The following ZNF385D variants were observed in gnomAD, a reference collection of about 807,000 sequenced individuals.
ZNF385D encodes zinc finger protein 385D.
ZNF385D carries 15 observed loss-of-function variants against 35.8 expected under a neutral mutation model. The ratio of observed to expected loss-of-function variants is 0.42; its 90% CI spans 0.28 to 0.64. The LOEUF (loss-of-function observed/expected upper bound fraction) is 0.64, where lower values mean the gene tolerates loss of function less well. Ranked by LOEUF, ZNF385D falls within the 30% of genes least tolerant of loss-of-function variation. The probability of loss-of-function intolerance (pLI) is 0.23; values close to 1 mark genes in which losing one functional copy is unlikely to be tolerated. For missense variants in ZNF385D, 474 were observed against 494.6 expected (o/e 0.96, Z 0.39); for synonymous variants, 212 against 186.8 (o/e 1.13, Z -1.10).
At chr3:22,215,367 T>C (rs1220951025) in intron 2 of ZNF385D, among the ~76,000 whole-genome samples, 4 of 151,958 alleles carry the variant, frequency 2.6e-5, no homozygotes, top group Non-Finnish European at 4.4e-5. Context: ...AGGAGAAATA[T>C]CGCTGAATTC....
chr3:21,528,950 CAT>C (rs548529618), intron 3 of ZNF385D, among the ~76,000 whole-genome samples: 33 of 152,186 alleles, frequency 2.2e-4, no homozygotes, highest in Non-Finnish European at 3.8e-4. Flanking sequence ...AAGAATATAA[CAT>C]ATATTTTTGG....
intron 3 of ZNF385D, among the ~76,000 whole-genome samples, chr3:21,938,017 C>T (rs1042791493): frequency 1.1e-4 from 17 of 152,228 alleles, no homozygotes; most frequent in South Asian, 4.1e-4. Flanking sequence ...TAACACAGTG[C>T]GAAATCTCTA....
At chr3:22,095,085 T>A (rs779173) in intron 3 of ZNF385D, among the ~76,000 whole-genome samples, 1 of 127,488 alleles carries the variant, frequency 7.8e-6, no homozygotes, top group East Asian at 2.0e-4. Flanking sequence ...TTTTTCATTC[T>A]TTCTTTTTTT....
intron 4 of ZNF385D, among the ~76,000 whole-genome samples, chr3:21,485,118 C>T (rs1002155592): frequency 3.3e-5 from 5 of 152,068 alleles, no homozygotes; most frequent in African/African-American, 1.2e-4. Context: ...GAGTTTACTC[C>T]ATTTTCTTTT....
At chr3:21,723,538 G>T (rs188568996) in intron 1 of ZNF385D, among the ~76,000 whole-genome samples, 6 of 152,070 alleles carry the variant, frequency 3.9e-5, no homozygotes, top group African/African-American at 1.2e-4. Context: ...TTTATCAAGC[G>T]AAAGAAAGGA....
intron 3 of ZNF385D, among the ~76,000 whole-genome samples, chr3:22,012,410 A>G (rs1696634691): frequency 6.6e-6 from 1 of 152,124 alleles, no homozygotes; most frequent in African/African-American, 2.4e-5. Flanking sequence ...AAATTACATT[A>G]TTTACATTTG....
chr3:22,169,088 G>T (rs2125758027), intron 2 of ZNF385D: 1 of 833,372 alleles, frequency 1.2e-6, no homozygotes, highest in Non-Finnish European at 1.4e-6. Flanking sequence ...TTAGATTACT[G>T]CATATTTATT....
chr3:22,281,804 T>A (rs1191236131), intron 2 of ZNF385D, among the ~76,000 whole-genome samples: 2 of 152,152 alleles, frequency 1.3e-5, no homozygotes, highest in Non-Finnish European at 1.5e-5. Flanking sequence ...TGGAATAGTG[T>A]CAATAGGATT....
intron 2 of ZNF385D, among the ~76,000 whole-genome samples, chr3:22,179,352 G>A (rs1223808667): frequency 6.6e-6 from 1 of 152,206 alleles, no homozygotes; most frequent in East Asian, 1.9e-4. Context: ...AAGAAATTGT[G>A]AATGGGAGTT....
At chr3:22,042,715 T>C (rs1050060596) in intron 3 of ZNF385D, among the ~76,000 whole-genome samples, 11 of 152,092 alleles carry the variant, frequency 7.2e-5, no homozygotes, top group Admixed American at 5.2e-4. Flanking sequence ...AGAAAAGGTA[T>C]TGGCCAGAAC....
chr3:21,434,834 C>A (rs151180857), intron 5 of ZNF385D, among the ~76,000 whole-genome samples: 14 of 152,062 alleles, frequency 9.2e-5, no homozygotes, highest in East Asian at 7.8e-4. Context: ...AAAAGGCAAC[C>A]CAAGGAGCAG....
chr3:21,688,391 T>G (rs2125335211), intron 1 of ZNF385D, among the ~76,000 whole-genome samples: 1 of 152,222 alleles, frequency 6.6e-6, no homozygotes, highest in South Asian at 2.1e-4. Flanking sequence ...ATATAGCAAT[T>G]TTATAATTAT....
chr3:21,509,451 G>C (rs888126373), intron 4 of ZNF385D, among the ~76,000 whole-genome samples: 38 of 152,152 alleles, frequency 2.5e-4, no homozygotes, highest in African/African-American at 7.2e-4. Flanking sequence ...AATAAAGCAG[G>C]TAGTCTTCGA....
At chr3:21,778,911 C>T (rs2071392538) in intron 3 of ZNF385D, among the ~76,000 whole-genome samples, 2 of 151,882 alleles carry the variant, frequency 1.3e-5, no homozygotes, top group African/African-American at 4.8e-5. Context: ...AGGACCAGGT[C>T]CTATTAATAT....
At chr3:21,760,309 C>A (rs1422731268) in intron 3 of ZNF385D, among the ~76,000 whole-genome samples, 1 of 152,178 alleles carries the variant, frequency 6.6e-6, no homozygotes, top group Non-Finnish European at 1.5e-5. Context: ...TACGTGAATA[C>A]AACTGGAGGA....
At chr3:21,849,086 T>A (rs1696204448) in intron 3 of ZNF385D, among the ~76,000 whole-genome samples, 2 of 152,084 alleles carry the variant, frequency 1.3e-5, no homozygotes, top group South Asian at 4.1e-4. Flanking sequence ...AAACATCATA[T>A]CTGTTGTTGC....
intron 2 of ZNF385D, among the ~76,000 whole-genome samples, chr3:22,236,695 G>A (rs1699202453): frequency 6.6e-6 from 1 of 152,044 alleles, no homozygotes; most frequent in Non-Finnish European, 1.5e-5. Context: ...ACCCCATAAT[G>A]ATTAGCAGTC....
rs1186741808 is a variant in ZNF385D, at chr3:22,051,116, T to C, written c.325+117701A>G. Among the ~76,000 whole-genome samples the C allele has an allele frequency of 8.0e-4, 19 of 23,804 alleles. 2 individuals are homozygous for C. Among genetic ancestry groups the C allele is most frequent in the Non-Finnish European group, 1.4e-3 (17 of 12,466 alleles). The allele number at this position is 23,804 out of a possible 152,430, so 15.6% of individuals were successfully genotyped here. A position where few individuals can be genotyped will look rare whatever the true frequency, so the allele number is the denominator to read the frequency against. On this transcript the variant is annotated intron_variant, in intron 3 of 5. Transcript: ENST00000494108. ...AGTGGGGTGTTAAAGTCTCCCATTA[T>C]TAATGTGTGGGAGTCTAAGTCTCTT...
chr3:21,767,154 T>C (rs182716276), intron 3 of ZNF385D, among the ~76,000 whole-genome samples: 102 of 149,796 alleles, frequency 6.8e-4, no homozygotes, highest in African/African-American at 2.1e-3. Context: ...ATATTGTCAA[T>C]TGAGAGTCTT....
Sources: gnomAD v4.1 joint callset for allele counts (sites outside exome capture counted in the v4.1 genomes callset) on GRCh38, gnomAD v4.1.1 for gene constraint, MANE v1.5 for transcripts, NCBI Gene and HGNC (gene_info 2026-07-23, HGNC 2026-07-21) for gene names.